The following SOX5 variants were observed in gnomAD, a reference collection of about 807,000 sequenced individuals.
The protein encoded by SOX5 is SRY-box transcription factor 5.
In SOX5, 9 loss-of-function variants were observed where a neutral mutation model predicts 92.0. That is an observed-to-expected ratio of 0.10 (90% CI 0.06 to 0.17). The LOEUF is 0.17. SOX5 is among the 10% of genes least tolerant of loss of function. SOX5 has a pLI of 1.00. For synonymous variants in SOX5, 344 were observed against 336.3 expected, an observed-to-expected ratio of 1.02 and a Z score of -0.25; for missense variants, 642 against 944.5, an observed-to-expected ratio of 0.68 and a Z score of 4.20.
chr12:24,310,664 A>G (rs746709211), intron 2 of SOX5, among the ~76,000 whole-genome samples: 8 of 152,218 alleles, frequency 5.3e-5, no homozygotes, highest in Non-Finnish European at 8.8e-5. Flanking sequence ...TACTGGCAGA[A>G]AAAGTGGGTG....
At chr12:24,320,088 A>C (rs1366742017) in intron 2 of SOX5, among the ~76,000 whole-genome samples, 1 of 152,248 alleles carries the variant, frequency 6.6e-6, no homozygotes, top group African/African-American at 2.4e-5. Context: ...TGTCTACCAC[A>C]GTGATAAAAC....
intron 4 of SOX5, among the ~76,000 whole-genome samples, chr12:23,997,366 CG>C (rs1445043397): frequency 1.3e-5 from 2 of 152,132 alleles, no homozygotes; most frequent in African/African-American, 4.8e-5. Flanking sequence ...AAAACAATAG[CG>C]ATCTTGGATG....
At chr12:24,210,383 G>A (rs1958475490) in intron 4 of SOX5, among the ~76,000 whole-genome samples, 1 of 152,162 alleles carries the variant, frequency 6.6e-6, no homozygotes, top group African/African-American at 2.4e-5. Context: ...ATTCATGCCT[G>A]CTAATTCATA....
intron 4 of SOX5, among the ~76,000 whole-genome samples, chr12:24,098,878 G>T (rs543620007): frequency 2.0e-5 from 3 of 152,084 alleles, no homozygotes; most frequent in Admixed American, 2.0e-4. Flanking sequence ...CTAGCCCTGG[G>T]TATCTTATGT....
At chr12:23,863,969 C>T (rs2096784611) in intron 2 of SOX5, among the ~76,000 whole-genome samples, 1 of 150,026 alleles carries the variant, frequency 6.7e-6, no homozygotes, top group Non-Finnish European at 1.5e-5. Flanking sequence ...TACTGTGCTC[C>T]ACAAATATAG....
At chr12:23,850,067 G>A (rs946684877) in intron 2 of SOX5, among the ~76,000 whole-genome samples, 3 of 152,128 alleles carry the variant, frequency 2.0e-5, no homozygotes, top group South Asian at 2.1e-4. Flanking sequence ...CACAGAGAAC[G>A]TACTTTGGTG....
intron 1 of SOX5, among the ~76,000 whole-genome samples, chr12:24,370,010 T>C (rs1956558900): frequency 6.6e-6 from 1 of 152,242 alleles, no homozygotes; most frequent in Admixed American, 6.5e-5. Flanking sequence ...ATTCCTTCCC[T>C]ATTCCCAATA....
At chr12:23,650,643 G>C (rs1310456140) in intron 7 of SOX5, among the ~76,000 whole-genome samples, 3 of 152,094 alleles carry the variant, frequency 2.0e-5, no homozygotes, top group Non-Finnish European at 4.4e-5. Flanking sequence ...GCCATTTATA[G>C]GGCTAATAAG....
chr12:23,574,481 C>G (rs1218128685), intron 10 of SOX5, among the ~76,000 whole-genome samples: 2 of 152,202 alleles, frequency 1.3e-5, no homozygotes, highest in Admixed American at 1.3e-4. Context: ...AGTTTCCTGT[C>G]TACAACTTGA....
intron 1 of SOX5, among the ~76,000 whole-genome samples, chr12:24,453,295 T>G (rs1050719002): frequency 6.9e-6 from 1 of 144,718 alleles, no homozygotes; most frequent in Non-Finnish European, 1.5e-5. Flanking sequence ...TGTTTTGAAA[T>G]AATAAAAAAA....
chr12:24,296,818 T>TAA (rs34459785), intron 2 of SOX5, among the ~76,000 whole-genome samples: 59,049 of 137,180 alleles, frequency 0.43, 13,502 homozygotes, highest in East Asian at 0.75. Context: ...ACATTGTTCT[T>TAA]AAAAAAAAAA....
At chr12:24,311,112 C>T (rs532423404) in intron 2 of SOX5, among the ~76,000 whole-genome samples, 9 of 152,262 alleles carry the variant, frequency 5.9e-5, no homozygotes, top group East Asian at 1.9e-4. Context: ...TCATTCCAGA[C>T]GGTCCTGCCC....
At chr12:23,945,672 A>G (rs1944474685) in intron 1 of SOX5, among the ~76,000 whole-genome samples, 1 of 152,168 alleles carries the variant, frequency 6.6e-6, no homozygotes, top group Non-Finnish European at 1.5e-5. Flanking sequence ...TATAAATAAA[A>G]TTATCAAAGC....
At chr12:23,543,682 C>G (rs1942564825) in intron 12 of SOX5, among the ~76,000 whole-genome samples, 1 of 152,148 alleles carries the variant, frequency 6.6e-6, no homozygotes. Flanking sequence ...ATTTTTGATG[C>G]AATTCGGAAA....
intron 4 of SOX5, among the ~76,000 whole-genome samples, chr12:23,747,136 A>T (rs2094012888): frequency 6.6e-6 from 1 of 152,096 alleles, no homozygotes; most frequent in African/African-American, 2.4e-5. Context: ...TGCTTAGTCA[A>T]AATCCAGGTG....
chr12:24,490,495 G>A (rs1016172113), intron 1 of SOX5, among the ~76,000 whole-genome samples: 2 of 152,066 alleles, frequency 1.3e-5, no homozygotes, highest in Admixed American at 1.3e-4. Flanking sequence ...TTAGTACCAT[G>A]CAAGCACATT....
intron 2 of SOX5, among the ~76,000 whole-genome samples, chr12:24,347,967 T>C (rs899200187): frequency 6.6e-6 from 1 of 150,432 alleles, no homozygotes; most frequent in African/African-American, 2.5e-5. Flanking sequence ...TAAGTAGTGG[T>C]TCACTGCTAT....
intron 1 of SOX5, among the ~76,000 whole-genome samples, chr12:24,424,814 G>GGC (rs530876907): frequency 1.3e-5 from 2 of 150,818 alleles, no homozygotes; most frequent in East Asian, 2.0e-4. Flanking sequence ...TTTTTGGGGG[G>GGC]GGGGGATGGC....
intron 3 of SOX5, among the ~76,000 whole-genome samples, chr12:23,830,326 G>A (rs2096295455): frequency 6.6e-6 from 1 of 152,134 alleles, no homozygotes. Flanking sequence ...AGGGTGCCTG[G>A]AGGTTAGACT....
Sources: gnomAD v4.1 joint callset for allele counts (sites outside exome capture counted in the v4.1 genomes callset) on GRCh38, gnomAD v4.1.1 for gene constraint, MANE v1.5 for transcripts, NCBI Gene and HGNC (gene_info 2026-07-23, HGNC 2026-07-21) for gene names.